The following PTPRE variants were observed in gnomAD, a reference collection of about 807,000 sequenced individuals.
PTPRE encodes receptor-type tyrosine-protein phosphatase epsilon.
Under a neutral mutation model 102.0 loss-of-function variants are expected in PTPRE, and 51 were observed. That is an observed-to-expected ratio of 0.50 (90% CI 0.40 to 0.63). The LOEUF (loss-of-function observed/expected upper bound fraction) is 0.63. PTPRE is among the 30% of genes least tolerant of loss of function. PTPRE has a pLI of 0.00. For missense variants in PTPRE, 752 were observed against 915.1 expected, an observed-to-expected ratio of 0.82 and a Z score of 2.30; for synonymous variants, 345 against 348.2, an observed-to-expected ratio of 0.99 and a Z score of 0.10.
At chr10:127,999,897 C>T (rs1190240505) in intron 2 of PTPRE, 29 of 985,304 alleles carry the variant, frequency 2.9e-5, no homozygotes, top group Non-Finnish European at 3.5e-5. Context: ...CCAGGAGACT[C>T]CAGTGCTGTG....
At chr10:128,019,625 A>T (rs1447862163) in intron 2 of PTPRE, among the ~76,000 whole-genome samples, 1 of 125,592 alleles carries the variant, frequency 8.0e-6, no homozygotes, top group Non-Finnish European at 1.9e-5. Context: ...GGTGTGTCCT[A>T]TGTCAGCCCA....
intron 7 of PTPRE, among the ~76,000 whole-genome samples, chr10:128,059,318 G>T (rs928006835): frequency 2.0e-5 from 3 of 152,192 alleles, no homozygotes; most frequent in African/African-American, 7.2e-5. Flanking sequence ...CCCTGTGTGG[G>T]CTGTGACTGT....
At chr10:127,927,608 C>T (rs960981115) in intron 1 of PTPRE, among the ~76,000 whole-genome samples, 4 of 152,198 alleles carry the variant, frequency 2.6e-5, no homozygotes, top group Non-Finnish European at 5.9e-5. Context: ...TGAACAGTCC[C>T]CCTCCTCATG....
intron 7 of PTPRE, 32 bp from the exon 8 acceptor site, chr10:128,060,904 CTAA>C: frequency 6.3e-7 from 1 of 1,590,348 alleles, no homozygotes; most frequent in African/African-American, 1.3e-5. Context: ...ATTCCTGGTC[CTAA>C]TATCTTGGCT....
At chr10:127,991,391 C>T (rs776930609) in intron 2 of PTPRE, among the ~76,000 whole-genome samples, 1 of 152,140 alleles carries the variant, frequency 6.6e-6, no homozygotes. Context: ...AGTCATTTTC[C>T]TTTAAAAAAT....
At chr10:127,995,660 T>C (rs991223286) in intron 2 of PTPRE, among the ~76,000 whole-genome samples, 1 of 152,198 alleles carries the variant, frequency 6.6e-6, no homozygotes, top group Non-Finnish European at 1.5e-5. Flanking sequence ...GCTGCAACAT[T>C]TGATTAATTC....
chr10:128,042,123 G>A (rs1847745777), intron 3 of PTPRE, among the ~76,000 whole-genome samples: 1 of 152,202 alleles, frequency 6.6e-6, no homozygotes, highest in East Asian at 1.9e-4. Flanking sequence ...TCAGGGGCAG[G>A]TCACTGGTGG....
chr10:127,928,456 T>A (rs940805411), intron 1 of PTPRE, among the ~76,000 whole-genome samples: 1 of 152,248 alleles, frequency 6.6e-6, no homozygotes, highest in African/African-American at 2.4e-5. Context: ...TGTTTTCAAA[T>A]GTACAGGGAC....
intron 2 of PTPRE, among the ~76,000 whole-genome samples, chr10:128,031,990 A>G (rs1415991183): frequency 6.6e-6 from 1 of 151,946 alleles, no homozygotes; most frequent in East Asian, 1.9e-4. Flanking sequence ...TTTGCTCCAT[A>G]TTTTTCATCT....
At chr10:128,017,945 C>T (rs537070135) in intron 2 of PTPRE, among the ~76,000 whole-genome samples, 9 of 152,344 alleles carry the variant, frequency 5.9e-5, no homozygotes, top group African/African-American at 1.4e-4. Flanking sequence ...CTGCATGCTT[C>T]GCATCACACA....
intron 1 of PTPRE, among the ~76,000 whole-genome samples, chr10:127,980,017 T>A (rs903208264): frequency 6.6e-6 from 1 of 152,218 alleles, no homozygotes; most frequent in African/African-American, 2.4e-5. Flanking sequence ...GTCACTCTTT[T>A]TAGCATCTTT....
intron 3 of PTPRE, 94 bp downstream of exon 3, chr10:128,041,084 A>G: frequency 9.4e-7 from 1 of 1,059,796 alleles, no homozygotes; most frequent in Non-Finnish European, 1.4e-6. Flanking sequence ...GGGTAAGAGA[A>G]GAATGGTGTG....
At chr10:127,949,384 G>C (rs1358512292) in intron 1 of PTPRE, among the ~76,000 whole-genome samples, 1 of 152,012 alleles carries the variant, frequency 6.6e-6, no homozygotes, top group Non-Finnish European at 1.5e-5. Flanking sequence ...TTTAATTTTT[G>C]GTTTTGGAGT....
chr10:127,926,955 G>T (rs1295418448), intron 1 of PTPRE, among the ~76,000 whole-genome samples: 1 of 151,736 alleles, frequency 6.6e-6, no homozygotes, highest in Non-Finnish European at 1.5e-5. Flanking sequence ...GGGATTACAG[G>T]TGTGCACCAC....
chr10:128,078,697 G>A (rs1183143518), intron 19 of PTPRE, among the ~76,000 whole-genome samples: 4 of 152,178 alleles, frequency 2.6e-5, no homozygotes, highest in African/African-American at 7.2e-5. Context: ...CACACACCTC[G>A]GTTTTTGGTT....
chr10:128,066,522 T>C (rs1850107283), intron 11 of PTPRE, among the ~76,000 whole-genome samples: 1 of 152,158 alleles, frequency 6.6e-6, no homozygotes, highest in South Asian at 2.1e-4. Context: ...TTTCACACAC[T>C]GACTGGGAGG....
chr10:127,993,998 G>A lies in PTPRE; in HGVS notation c.-8+11702G>A, dbSNP rs566777352. Among the ~76,000 whole-genome samples, 3 of 152,294 alleles carry A rather than the reference G, an allele frequency of 2.0e-5. No homozygotes were observed. In the East Asian group the frequency reaches 5.8e-4, roughly 29 times the overall value. On this transcript the variant is annotated intron_variant, in intron 2 of 20. Transcript: ENST00000254667. ...AGAAGGTGGGCCAGGTGTGAGTTGA[G>A]GGGTCATACCCCGGCACATGTCCCA...
At chr10:128,026,513 A>T (rs73382087) in intron 2 of PTPRE, among the ~76,000 whole-genome samples, 15,578 of 152,176 alleles carry the variant, frequency 0.1, 1,141 homozygotes, top group African/African-American at 0.2. Flanking sequence ...CCTGGAGGAC[A>T]CTGTGGACCC....
intron 2 of PTPRE, among the ~76,000 whole-genome samples, chr10:128,009,163 C>T (rs1844765101): frequency 6.6e-6 from 1 of 152,218 alleles, no homozygotes; most frequent in South Asian, 2.1e-4. Flanking sequence ...CCTGCACATT[C>T]TGGAGGTTCA....
Sources: gnomAD v4.1 joint callset for allele counts (sites outside exome capture counted in the v4.1 genomes callset) on GRCh38, gnomAD v4.1.1 for gene constraint, MANE v1.5 for transcripts, NCBI Gene and HGNC (gene_info 2026-07-23, HGNC 2026-07-21) for gene names.